The following MS4A4E variants were observed in gnomAD, a reference collection of about 807,000 sequenced individuals.
The protein encoded by MS4A4E is putative membrane-spanning 4-domains subfamily A member 4E.
A neutral mutation model predicts 13.3 loss-of-function variants in MS4A4E; 23 were observed. That is an observed-to-expected ratio of 1.73 (90% CI 1.25 to 2.45). The LOEUF is 2.45. Ranked by LOEUF, MS4A4E falls within the 30% of genes most tolerant of loss-of-function variation. The probability of loss-of-function intolerance (pLI) is 0.00; values close to 1 mark genes in which losing one functional copy is unlikely to be tolerated. For synonymous variants in MS4A4E, 36 were observed against 45.6 expected, an observed-to-expected ratio of 0.79 and a Z score of 0.85; for missense variants, 144 against 131.2, an observed-to-expected ratio of 1.10 and a Z score of -0.48.
At chr11:60,214,676 G>T in intron 3 of MS4A4E, 62 bp from the exon 4 acceptor site, 4 of 1,091,958 alleles carry the variant, frequency 3.7e-6, no homozygotes, top group Non-Finnish European at 3.9e-6. Context: ...AACAAGTATT[G>T]GAAATCACAA....
At chr11:60,220,859 T>C (rs749790457) in intron 3 of MS4A4E, among the ~76,000 whole-genome samples, 2 of 152,144 alleles carry the variant, frequency 1.3e-5, no homozygotes, top group Non-Finnish European at 2.9e-5. Flanking sequence ...CTGGGGGTGT[T>C]ACTTGGCCCA....
intron 3 of MS4A4E, chr11:60,225,074 G>T: frequency 6.4e-7 from 1 of 1,556,818 alleles, no homozygotes; most frequent in Non-Finnish European, 8.7e-7. Flanking sequence ...GCTCATCAAG[G>T]CAATCAGAAT....
At chr11:60,236,340 T>C (rs2084481942) in intron 1 of MS4A4E, among the ~76,000 whole-genome samples, 1 of 152,190 alleles carries the variant, frequency 6.6e-6, no homozygotes, top group Non-Finnish European at 1.5e-5. Flanking sequence ...TGAAATAAGG[T>C]TGCTTGAATT....
chr11:60,224,780 C>T (rs369594208), intron 3 of MS4A4E, among the ~76,000 whole-genome samples: 8 of 152,132 alleles, frequency 5.3e-5, no homozygotes, highest in African/African-American at 1.4e-4. Flanking sequence ...AGTATTTAAT[C>T]GCCTAGCTTT....
rs1429042849 is a variant in MS4A4E, at chr11:60,200,729, T to A, written c.*814A>T. 6.6e-6 allele frequency among the ~76,000 whole-genome samples: 1 copy of A among 152,250 alleles called. No homozygotes were observed. Among genetic ancestry groups the A allele is most frequent in the Non-Finnish European group, 1.5e-5 (1 of 68,038 alleles). On this transcript the variant is annotated 3_prime_UTR_variant, in exon 9 of 9. Transcript: ENST00000651255. Reference sequence around the variant, plus strand: ...AAGGCAACCATCCGATTTCTCAATCTTTTCCCCACCTTTCCCCCCTTTCTA... The same window carrying A: ...AAGGCAACCATCCGATTTCTCAATCATTTCCCCACCTTTCCCCCCTTTCTA...
intron 5 of MS4A4E, among the ~76,000 whole-genome samples, chr11:60,212,392 C>G (rs1257518083): frequency 6.6e-6 from 1 of 151,282 alleles, no homozygotes; most frequent in Non-Finnish European, 1.5e-5. Context: ...TCACTGCAAG[C>G]TCCACCTCCT....
At chr11:60,208,973 A>G (rs2084083435) in intron 5 of MS4A4E, 1 of 183,252 alleles carries the variant, frequency 5.5e-6, no homozygotes, top group Non-Finnish European at 1.1e-5. Context: ...TTAGGAAGGT[A>G]GTATAAAGAT....
intron 3 of MS4A4E, among the ~76,000 whole-genome samples, chr11:60,223,319 T>A (rs1164519566): frequency 6.6e-6 from 1 of 152,254 alleles, no homozygotes; most frequent in Non-Finnish European, 1.5e-5. Context: ...TATTAGCATT[T>A]AAGTGTTGTT....
chr11:60,204,954 C>T lies in MS4A4E; in HGVS notation c.595G>A (p.Gly199Arg), dbSNP rs762774236. Residue 199 changes from glycine to arginine, a missense_variant, in exon 8 of 9, where the codon GGA (glycine) becomes AGA (arginine). By Grantham distance (125) the Gly-to-Arg change is moderately radical (BLOSUM62 -2). This residue lies in a region of MS4A4E where 21 missense variants were observed against 25.1 expected (regional missense o/e 0.84). Transcript: ENST00000651255. ...ACTTTTTCCAGATACTGTCCATCTC[C>T]GGAGCTGGAGAAAGTAGACAGGTTA... ...VDVDSTVWCS[G>R]DGQYLEKVYY... Among the ~76,000 whole-genome samples, 8 of 152,108 alleles carry T rather than the reference C, an allele frequency of 5.3e-5. No homozygotes were observed. The highest frequency in any genetic ancestry group is 2.1e-4 in the South Asian group (1 of 4,830).
At chr11:60,239,882 C>G (rs549645837) in intron 1 of MS4A4E, among the ~76,000 whole-genome samples, 1 of 152,336 alleles carries the variant, frequency 6.6e-6, no homozygotes, top group South Asian at 2.1e-4. Context: ...AATCCATACC[C>G]TCAAATTTTG....
intron 2 of MS4A4E, among the ~76,000 whole-genome samples, chr11:60,229,153 C>T (rs1327701101): frequency 1.3e-5 from 2 of 152,162 alleles, no homozygotes; most frequent in African/African-American, 2.4e-5. Context: ...ATGGGATATA[C>T]CTGTACTTTG....
At chr11:60,203,451 A>G (rs1172957745) in intron 8 of MS4A4E, among the ~76,000 whole-genome samples, 2 of 152,220 alleles carry the variant, frequency 1.3e-5, no homozygotes, top group African/African-American at 2.4e-5. Context: ...TCATGTATGT[A>G]AAGAATAATT....
chr11:60,209,617 C>T (rs1189751404), intron 5 of MS4A4E, among the ~76,000 whole-genome samples: 2 of 152,204 alleles, frequency 1.3e-5, no homozygotes, highest in Admixed American at 6.5e-5. Flanking sequence ...CAACAATGAA[C>T]ATCACGTAGG....
chr11:60,225,148 C>T (rs1049648977), intron 3 of MS4A4E: 169 of 1,410,178 alleles, frequency 1.2e-4, no homozygotes, highest in Non-Finnish European at 1.6e-4. Context: ...GTGCTTATGC[C>T]ACTCCCTTTC....
chr11:60,225,138 G>A (rs778052948), intron 3 of MS4A4E: 4 of 1,442,520 alleles, frequency 2.8e-6, no homozygotes, highest in South Asian at 1.5e-5. Flanking sequence ...CACAAAAATG[G>A]TGCTTATGCC....
Position 60,208,699 on chromosome 11 carries a change from G to A in MS4A4E, c.382-5C>T. On this transcript the variant is annotated splice_polypyrimidine_tract_variant and splice_region_variant and intron_variant, in intron 5 of 8. Transcript: ENST00000651255. ...GAGCACCATGCCATCCGTACCCTAG[G>A]AGAAAACTCATAACAAGGGAATGTG... 1.7e-6 allele frequency: 2 copies of A among 1,197,360 alleles called. No individual in the cohort carries two copies. The highest frequency in any genetic ancestry group is 1.5e-5 in the South Asian group (1 of 65,412). The allele number at this position is 1,197,360 out of a possible 1,614,324, so 74.2% of individuals were successfully genotyped here.
intron 1 of MS4A4E, among the ~76,000 whole-genome samples, chr11:60,232,284 AACACACACAC>A (rs3221531): frequency 2.3e-5 from 3 of 130,162 alleles, no homozygotes; most frequent in African/African-American, 5.8e-5. Context: ...CATCGCCATC[AACACACACAC>A]ACACACACAC....
At chr11:60,207,958 A>G (rs1208854505) in intron 6 of MS4A4E, among the ~76,000 whole-genome samples, 3 of 152,222 alleles carry the variant, frequency 2.0e-5, no homozygotes. Flanking sequence ...TAATAGGATA[A>G]TAGAATAAAA....
At chr11:60,238,233 G>A (rs952327175) in intron 1 of MS4A4E, among the ~76,000 whole-genome samples, 2 of 151,750 alleles carry the variant, frequency 1.3e-5, no homozygotes, top group Non-Finnish European at 2.9e-5. Context: ...AGTTTTTGAT[G>A]GAAGGGTATT....
Sources: gnomAD v4.1 joint callset for allele counts (sites outside exome capture counted in the v4.1 genomes callset) on GRCh38, gnomAD v4.1.1 for gene constraint, gnomAD v4.1.1 regional missense constraint, MANE v1.5 for transcripts, NCBI Gene and HGNC (gene_info 2026-07-23, HGNC 2026-07-21) for gene names.